Variants in GPHN observed in about 807,000 individuals in gnomAD.
GPHN encodes gephyrin.
A neutral mutation model predicts 95.5 loss-of-function variants in GPHN; 17 were observed. That is an observed-to-expected ratio of 0.18 (90% CI 0.12 to 0.27). The LOEUF is 0.27. Among genes scored for constraint, GPHN ranks in the 10% least tolerant of loss-of-function variants. GPHN has a pLI of 1.00. For synonymous variants in GPHN, 320 were observed against 322.5 expected (o/e 0.99, Z 0.08); for missense variants, 660 against 978.1 (o/e 0.67, Z 4.34).
At chr14:66,574,604 T>C (rs1213270310) in intron 1 of GPHN, among the ~76,000 whole-genome samples, 2 of 152,228 alleles carry the variant, frequency 1.3e-5, no homozygotes, top group African/African-American at 4.8e-5. Flanking sequence ...AGGTGTCTTA[T>C]TGACTGCATA....
the GPHN span, among the ~76,000 whole-genome samples, chr14:67,327,428 C>T: frequency 2.6e-5 from 4 of 151,188 alleles, no homozygotes; most frequent in African/African-American, 4.9e-5. Context: ...CCAAGGAGGA[C>T]GGATCACTTT....
At chr14:66,757,228 G>T (rs568429014) in intron 2 of GPHN, among the ~76,000 whole-genome samples, 108 of 152,054 alleles carry the variant, frequency 7.1e-4, no homozygotes, top group African/African-American at 2.2e-3. Context: ...AGAACTAGAA[G>T]TATTTATTAC....
the GPHN span, among the ~76,000 whole-genome samples, chr14:67,193,405 ATATC>A: frequency 7.1e-6 from 1 of 141,194 alleles, no homozygotes; most frequent in Non-Finnish European, 1.5e-5. Context: ...ATCTAGATAT[ATATC>A]TATATATCTA....
the GPHN span, among the ~76,000 whole-genome samples, chr14:67,685,395 G>A: frequency 2.0e-5 from 3 of 152,184 alleles, no homozygotes; most frequent in Non-Finnish European, 4.4e-5. Context: ...AGAGTAGACA[G>A]TGCTAAGGAC....
intron 9 of GPHN, among the ~76,000 whole-genome samples, chr14:66,982,906 C>G (rs2070769647): frequency 6.6e-6 from 1 of 152,124 alleles, no homozygotes. Flanking sequence ...TTCATCTTAT[C>G]TGAATGCTAA....
chr14:67,245,065 T>C, the GPHN span, among the ~76,000 whole-genome samples: 1 of 152,162 alleles, frequency 6.6e-6, no homozygotes, highest in Admixed American at 6.5e-5. Context: ...GTGTCTAGAA[T>C]CTTGAAGAGG....
chr14:67,169,185 G>A, intron 21 of GPHN, 149 bp downstream of exon 21: 1 of 664,868 alleles, frequency 1.5e-6, no homozygotes, highest in Non-Finnish European at 2.7e-6. Context: ...ACTAGAAAAT[G>A]TAGGAGAAAG....
rs993488250 is a variant in GPHN at position 66,594,358 on chromosome 14, G to A, written c.64+85767G>A. On this transcript the variant is annotated intron_variant, in intron 1 of 22. Coordinates refer to ENST00000478722, the MANE Select transcript of GPHN (RefSeq NM_020806.5). ...CATCACAAACACTTCAAAATAGCTAGAGCAATGTTGAGTAAAAAGGATAAA... is the reference window on the plus strand; with the variant it reads ...CATCACAAACACTTCAAAATAGCTAAAGCAATGTTGAGTAAAAAGGATAAA... Among the ~76,000 whole-genome samples, 5 of 152,034 alleles carry A rather than the reference G, an allele frequency of 3.3e-5. No individual in the cohort carries two copies. The East Asian group carries it at 7.7e-4, about 23-fold the overall frequency.
At chr14:67,675,250 G>A in the GPHN span, among the ~76,000 whole-genome samples, 5 of 152,268 alleles carry the variant, frequency 3.3e-5, no homozygotes, top group Non-Finnish European at 5.9e-5. Context: ...GCTCGCGCCT[G>A]TAATCCCAGT....
chr14:67,599,788 C>T, the GPHN span, among the ~76,000 whole-genome samples: 1 of 152,196 alleles, frequency 6.6e-6, no homozygotes, highest in Non-Finnish European at 1.5e-5. Context: ...ACCCACGGAG[C>T]AGAGCACAGC....
At chr14:67,275,050 T>G in the GPHN span, among the ~76,000 whole-genome samples, 1 of 152,220 alleles carries the variant, frequency 6.6e-6, no homozygotes, top group Non-Finnish European at 1.5e-5. Context: ...AAATAGACAA[T>G]CATGTCATCT....
At chr14:66,948,951 T>G (rs1024957960) in intron 8 of GPHN, among the ~76,000 whole-genome samples, 1 of 152,136 alleles carries the variant, frequency 6.6e-6, no homozygotes, top group African/African-American at 2.4e-5. Flanking sequence ...GGACAGTTTT[T>G]TCTTTAATAA....
downstream of GPHN, among the ~76,000 whole-genome samples, chr14:67,182,715 C>T (rs765879276): frequency 4.6e-5 from 7 of 151,354 alleles, no homozygotes; most frequent in African/African-American, 7.3e-5. Context: ...CAAATAACCA[C>T]GATATTTAAT....
At chr14:67,239,002 A>G in the GPHN span, among the ~76,000 whole-genome samples, 1 of 152,206 alleles carries the variant, frequency 6.6e-6, no homozygotes, top group Admixed American at 6.5e-5. Context: ...GAATTGTTAT[A>G]GCACTTTAAA....
intron 10 of GPHN, among the ~76,000 whole-genome samples, chr14:67,054,728 G>A (rs1185654807): frequency 6.6e-6 from 1 of 152,128 alleles, no homozygotes; most frequent in African/African-American, 2.4e-5. Context: ...AACCAAAATA[G>A]ATGGTAGTAG....
chr14:67,408,115 C>T, the GPHN span, among the ~76,000 whole-genome samples: 12 of 151,828 alleles, frequency 7.9e-5, no homozygotes, highest in Non-Finnish European at 1.5e-4. Context: ...GGAGAAACCA[C>T]GTCTCTACTA....
chr14:67,685,623 C>A, the GPHN span, among the ~76,000 whole-genome samples: 1 of 151,962 alleles, frequency 6.6e-6, no homozygotes, highest in African/African-American at 2.4e-5. Flanking sequence ...ACACCCACCC[C>A]ATCCCCTTCA....
the GPHN span, chr14:67,586,350 C>A: frequency 1.4e-6 from 2 of 1,434,796 alleles, no homozygotes; most frequent in African/African-American, 1.4e-5. Context: ...TTCACTTTTT[C>A]TTTTTTATTC....
At position 67,181,107 on chromosome 14, in the gene GPHN, C is replaced by A. The variant is rs977759218; in HGVS notation, c.*170C>A. On this transcript the variant is annotated 3_prime_UTR_variant, in exon 23 of 23. Coordinates refer to ENST00000478722, the MANE Select transcript of GPHN (RefSeq NM_020806.5). ...TAAATATCTTTTAAAGAAAAAAACACCTAAAAATAAATCTTAACAGAAAAT... is the reference window on the plus strand; with the variant it reads ...TAAATATCTTTTAAAGAAAAAAACAACTAAAAATAAATCTTAACAGAAAAT... The A allele has an allele frequency of 1.3e-5, 9 of 699,028 alleles. No homozygotes were observed. The African/African-American group carries it at 1.6e-4, about 13-fold the overall frequency. The allele number at this position is 699,028 out of a possible 1,614,324, so 43.3% of individuals were successfully genotyped here.
Sources: gnomAD v4.1 joint callset for allele counts (sites outside exome capture counted in the v4.1 genomes callset) on GRCh38, gnomAD v4.1.1 for gene constraint, MANE v1.5 for transcripts, NCBI Gene and HGNC (gene_info 2026-07-23, HGNC 2026-07-21) for gene names.